Variants in GABRA3 observed in about 807,000 individuals in gnomAD.
GABRA3 encodes gamma-aminobutyric acid receptor subunit alpha-3.
A neutral mutation model predicts 30.1 loss-of-function variants in GABRA3; 10 were observed. That is an observed-to-expected ratio of 0.33 (90% CI 0.20 to 0.56). The LOEUF (loss-of-function observed/expected upper bound fraction) is 0.56, where lower values mean the gene tolerates loss of function less well. GABRA3 is among the 20% of genes least tolerant of loss of function. GABRA3 has a pLI of 0.89. For missense variants in GABRA3, 233 were observed against 392.0 expected, an observed-to-expected ratio of 0.59 and a Z score of 3.42; for synonymous variants, 151 against 146.8, an observed-to-expected ratio of 1.03 and a Z score of -0.21.
At chrX:152,197,575 C>T in intron 8 of GABRA3, 58 bp downstream of exon 8, 5 of 1,071,903 alleles carry the variant, frequency 4.7e-6, no homozygotes, top group African/African-American at 3.7e-5. Flanking sequence ...CCTTTCTCAC[C>T]TCCACTGTGA....
rs1213295318 is a variant in GABRA3, at chrX:152,167,454, A to T, written c.*774T>A. 3 of 112,163 alleles carry T rather than the reference A, an allele frequency of 2.7e-5. No homozygotes were observed. The highest frequency in any genetic ancestry group is 9.7e-5 in the African/African-American group (3 of 30,816). The allele number at this position is 112,163 out of a possible 1,213,427, so 9.2% of individuals were successfully genotyped here. A position where few individuals can be genotyped will look rare whatever the true frequency, so the allele number is the denominator to read the frequency against. Reference sequence around the variant, plus strand: ...TTTCCTGAAAAGTTTACAGGTGGTAATGAGTCCAAATTAAGTAGTGCTCAG... The same window carrying T: ...TTTCCTGAAAAGTTTACAGGTGGTATTGAGTCCAAATTAAGTAGTGCTCAG... On this transcript the variant is annotated 3_prime_UTR_variant, in exon 10 of 10. Coordinates refer to ENST00000370314, the MANE Select transcript of GABRA3 (RefSeq NM_000808.4).
At chrX:152,309,512 A>G (rs1446892374) in intron 3 of GABRA3, among the ~76,000 whole-genome samples, 2 of 81,854 alleles carry the variant, frequency 2.4e-5, no homozygotes, top group Non-Finnish European at 4.7e-5. Context: ...ATAAAAGAGA[A>G]AAAAAAAAAG....
At chrX:152,251,426 A>G (rs1470371863) in intron 5 of GABRA3, among the ~76,000 whole-genome samples, 1 of 109,699 alleles carries the variant, frequency 9.1e-6, no homozygotes, top group Non-Finnish European at 1.9e-5. Flanking sequence ...TCCCTCCTCC[A>G]AAACTTAAAC....
intron 3 of GABRA3, among the ~76,000 whole-genome samples, chrX:152,290,163 T>C: frequency 8.9e-6 from 1 of 111,965 alleles, no homozygotes; most frequent in Non-Finnish European, 1.9e-5. Context: ...TTTCTCCACA[T>C]CCTCTCCAGT....
At chrX:152,251,115 G>A in intron 5 of GABRA3, 1 of 334,603 alleles carries the variant, frequency 3.0e-6, no homozygotes, top group South Asian at 2.7e-5. Flanking sequence ...GATCCAAGGT[G>A]CTACTGTGTA....
intron 9 of GABRA3, among the ~76,000 whole-genome samples, chrX:152,183,870 C>G (rs375066034): frequency 8.1e-5 from 9 of 111,172 alleles, no homozygotes; most frequent in African/African-American, 2.9e-4. Context: ...CAAAATCATT[C>G]TCTTTATTGC....
At chrX:152,270,810 G>A (rs1369956068) in intron 4 of GABRA3, among the ~76,000 whole-genome samples, 4 of 106,950 alleles carry the variant, frequency 3.7e-5, no homozygotes, top group African/African-American at 1.4e-4. Flanking sequence ...AGCCAAGAAC[G>A]CATCACTACA....
intron 8 of GABRA3, among the ~76,000 whole-genome samples, chrX:152,194,237 T>G (rs930325409): frequency 5.4e-5 from 6 of 111,792 alleles, no homozygotes; most frequent in African/African-American, 1.9e-4. Flanking sequence ...GGTTTTAGTT[T>G]ACATTTCCCT....
At chrX:152,435,732 TTAAAG>T (rs1569424673) in intron 1 of GABRA3, among the ~76,000 whole-genome samples, 1 of 110,314 alleles carries the variant, frequency 9.1e-6, no homozygotes, top group East Asian at 2.9e-4. Flanking sequence ...GCCCCAGAAC[TTAAAG>T]TAAAGGAATA....
chrX:152,433,130 T>C (rs1930690101), intron 1 of GABRA3, among the ~76,000 whole-genome samples: 1 of 110,916 alleles, frequency 9.0e-6, no homozygotes, highest in Non-Finnish European at 1.9e-5. Flanking sequence ...AGAAATACAA[T>C]GAAACTTATT....
At chrX:152,193,775 G>C (rs1004724056) in intron 8 of GABRA3, among the ~76,000 whole-genome samples, 1 of 111,610 alleles carries the variant, frequency 9.0e-6, no homozygotes, top group African/African-American at 3.3e-5. Flanking sequence ...GAGGCGGGTG[G>C]ATCACAAGGT....
intron 9 of GABRA3, among the ~76,000 whole-genome samples, chrX:152,172,737 A>T (rs1037169815): frequency 9.8e-5 from 11 of 111,858 alleles, no homozygotes; most frequent in Non-Finnish European, 1.9e-4. Flanking sequence ...TCTATGACAT[A>T]TCTAGAGTAG....
At chrX:152,352,284 G>A (rs184502848) in intron 2 of GABRA3, among the ~76,000 whole-genome samples, 1 of 111,600 alleles carries the variant, frequency 9.0e-6, no homozygotes, top group Non-Finnish European at 1.9e-5. Flanking sequence ...ATGTAAAATG[G>A]GGATAACAAT....
chrX:152,250,508 C>T (rs1021698871), intron 5 of GABRA3: 2 of 111,223 alleles, frequency 1.8e-5, no homozygotes, highest in African/African-American at 6.5e-5. Flanking sequence ...CATGTTTACC[C>T]GTGTCCTCAT....
intron 3 of GABRA3, among the ~76,000 whole-genome samples, chrX:152,302,325 T>C (rs908824312): frequency 9.0e-6 from 1 of 110,944 alleles, no homozygotes; most frequent in South Asian, 3.8e-4. Flanking sequence ...GGTATAAATA[T>C]GATAAAAGTA....
chrX:152,310,362 A>G (rs1939780653), intron 3 of GABRA3, among the ~76,000 whole-genome samples: 1 of 112,562 alleles, frequency 8.9e-6, no homozygotes, highest in African/African-American at 3.2e-5. Flanking sequence ...CAATTCCTAA[A>G]CTGAACTACA....
intron 2 of GABRA3, among the ~76,000 whole-genome samples, chrX:152,359,589 T>A: frequency 9.0e-6 from 1 of 111,094 alleles, no homozygotes; most frequent in Non-Finnish European, 1.9e-5. Flanking sequence ...TCTTGTCTTT[T>A]GCTAGCTTTG....
chrX:152,356,242 A>G (rs1330917326), intron 2 of GABRA3, among the ~76,000 whole-genome samples: 1 of 112,186 alleles, frequency 8.9e-6, no homozygotes, highest in Non-Finnish European at 1.9e-5. Context: ...TCTTGCTTAC[A>G]AATACTGAAT....
intron 9 of GABRA3, among the ~76,000 whole-genome samples, chrX:152,186,599 A>ATCTCTC (rs765821292): frequency 4.2e-5 from 4 of 96,309 alleles, no homozygotes; most frequent in African/African-American, 1.5e-4. Context: ...TCCTTCCTTT[A>ATCTCTC]TCTCTCTCTC....
Sources: allele counts gnomAD v4.1 joint callset (sites outside exome capture counted in the v4.1 genomes callset), GRCh38; gene constraint gnomAD v4.1.1; transcripts MANE v1.5; gene names NCBI Gene and HGNC (gene_info 2026-07-23, HGNC 2026-07-21).